Variants in STK33 observed in about 807,000 individuals in gnomAD.
STK33 encodes the protein serine/threonine kinase 33.
In STK33, 52 loss-of-function variants were observed where a neutral mutation model predicts 58.0. That is an observed-to-expected ratio of 0.90 (90% confidence interval 0.72 to 1.13). The LOEUF is 1.13. STK33 is among the 50% of genes most tolerant of loss of function. STK33 has a pLI of 0.00. For synonymous variants in STK33, 215 were observed against 200.1 expected (o/e 1.07, Z -0.63); for missense variants, 630 against 604.2 (o/e 1.04, Z -0.45).
the STK33 span, among the ~76,000 whole-genome samples, chr11:8,344,198 AACACACACACACAC>A: frequency 2.2e-5 from 3 of 137,228 alleles, no homozygotes; most frequent in Non-Finnish European, 3.1e-5. Flanking sequence ...AAACAAACAA[AACACACACACACAC>A]ACACACACAC....
chr11:8,569,096 G>C (rs749159975), intron 1 of STK33, among the ~76,000 whole-genome samples: 2 of 152,130 alleles, frequency 1.3e-5, no homozygotes, highest in Non-Finnish European at 2.9e-5. Flanking sequence ...ATTTACCAAG[G>C]TTTATTCTAT....
chr11:8,508,064 T>C (rs775169955), intron 1 of STK33, among the ~76,000 whole-genome samples: 2 of 152,060 alleles, frequency 1.3e-5, no homozygotes, highest in Non-Finnish European at 1.5e-5. Context: ...CTAATTTTTG[T>C]ATTTTTAGTA....
intron 1 of STK33, among the ~76,000 whole-genome samples, chr11:8,490,578 A>G (rs755163687): frequency 6.6e-6 from 1 of 152,184 alleles, no homozygotes; most frequent in Non-Finnish European, 1.5e-5. Flanking sequence ...TTCTCCCAGC[A>G]TGGTGTTTGA....
chr11:8,439,772 T>C (rs1443268330), intron 12 of STK33, among the ~76,000 whole-genome samples: 1 of 150,562 alleles, frequency 6.6e-6, no homozygotes, highest in Non-Finnish European at 1.5e-5. Flanking sequence ...AGACCTGCTC[T>C]GCTATGCCAT....
chr11:8,515,166 A>G (rs369522696), intron 1 of STK33, among the ~76,000 whole-genome samples: 5 of 152,194 alleles, frequency 3.3e-5, no homozygotes, highest in Non-Finnish European at 5.9e-5. Flanking sequence ...CAAAATTGAC[A>G]AACTCTTAGC....
chr11:8,498,276 G>T (rs978503841), intron 1 of STK33, among the ~76,000 whole-genome samples: 3 of 152,096 alleles, frequency 2.0e-5, no homozygotes, highest in Non-Finnish European at 4.4e-5. Context: ...AAAAACCCAA[G>T]CATTCCTATA....
At chr11:8,478,240 A>G (rs1323025637) in intron 2 of STK33, among the ~76,000 whole-genome samples, 1 of 152,182 alleles carries the variant, frequency 6.6e-6, no homozygotes, top group Non-Finnish European at 1.5e-5. Context: ...AAACACAAAG[A>G]TTAATAGCTC....
chr11:8,572,140 A>G (rs895108520), intron 1 of STK33, among the ~76,000 whole-genome samples: 3 of 151,972 alleles, frequency 2.0e-5, no homozygotes, highest in Non-Finnish European at 2.9e-5. Flanking sequence ...CTTGCAAGAA[A>G]AAGACAGAAC....
At chr11:8,413,370 C>T (rs1041002030) in intron 15 of STK33, 125 bp downstream of exon 15, 4 of 1,009,544 alleles carry the variant, frequency 4.0e-6, no homozygotes, top group Admixed American at 4.3e-5. Context: ...AAGAACTTTA[C>T]TTGCTATATA....
intron 1 of STK33, 49 bp downstream of exon 1, chr11:8,594,034 C>T (rs1399969081): frequency 6.6e-6 from 1 of 152,330 alleles, no homozygotes; most frequent in African/African-American, 2.4e-5. Flanking sequence ...GGGCCGCCCG[C>T]CCCATCCCGC....
intron 1 of STK33, among the ~76,000 whole-genome samples, chr11:8,537,935 C>T (rs577847509): frequency 6.6e-6 from 1 of 151,478 alleles, no homozygotes; most frequent in African/African-American, 2.4e-5. Context: ...GCCTGTAATC[C>T]TAGCACTTTG....
downstream of STK33, chr11:8,391,747 C>T (rs1026749890): frequency 1.3e-5 from 2 of 152,464 alleles, no homozygotes; most frequent in African/African-American, 4.8e-5. Context: ...TCCCCTGTTT[C>T]TTGCTTCATG....
chr11:8,350,922 C>G, the STK33 span, among the ~76,000 whole-genome samples: 1 of 152,096 alleles, frequency 6.6e-6, no homozygotes, highest in Non-Finnish European at 1.5e-5. Context: ...CTGCAGAAAA[C>G]GGTTGGGATA....
chr11:8,345,362 T>G, the STK33 span, among the ~76,000 whole-genome samples: 1 of 152,328 alleles, frequency 6.6e-6, no homozygotes, highest in East Asian at 1.9e-4. Context: ...AAAATGTAAC[T>G]AGAGCCTGGC....
the STK33 span, among the ~76,000 whole-genome samples, chr11:8,376,120 G>T: frequency 6.6e-6 from 1 of 152,194 alleles, no homozygotes; most frequent in Non-Finnish European, 1.5e-5. Flanking sequence ...AATGAGCGGG[G>T]TCAGAGCTGT....
At chr11:8,418,395 C>T (rs916719032) in intron 14 of STK33, among the ~76,000 whole-genome samples, 1 of 152,112 alleles carries the variant, frequency 6.6e-6, no homozygotes, top group African/African-American at 2.4e-5. Flanking sequence ...CTAGTTCCAG[C>T]CATGTTCCCG....
chr11:8,452,694 G>C (rs941747890), intron 11 of STK33, 128 bp downstream of exon 11: 1 of 716,474 alleles, frequency 1.4e-6, no homozygotes, highest in Middle Eastern at 3.3e-4. Context: ...AGGCTGAGGT[G>C]GGGGGATGGC....
At chr11:8,531,203 C>T (rs537645342) in intron 1 of STK33, among the ~76,000 whole-genome samples, 3 of 152,112 alleles carry the variant, frequency 2.0e-5, no homozygotes, top group Admixed American at 2.0e-4. Context: ...AAATACCCCC[C>T]AACTTCGCTT....
At chr11:8,569,310 A>AG (rs1957647204) in intron 1 of STK33, among the ~76,000 whole-genome samples, 1 of 152,276 alleles carries the variant, frequency 6.6e-6, no homozygotes, top group South Asian at 2.1e-4. Flanking sequence ...CAAATCAATG[A>AG]AAACAGAAGT....
Sources: allele counts gnomAD v4.1 joint callset (sites outside exome capture counted in the v4.1 genomes callset), GRCh38; gene constraint gnomAD v4.1.1; transcripts MANE v1.5; gene names NCBI Gene and HGNC (gene_info 2026-07-23, HGNC 2026-07-21).